The following CNTNAP5 variants were observed in gnomAD, a reference collection of about 807,000 sequenced individuals.
The protein encoded by CNTNAP5 is contactin-associated protein-like 5.
Under a neutral mutation model 150.2 loss-of-function variants are expected in CNTNAP5, and 72 were observed. The observed-to-expected ratio is 0.48, with a 90% confidence interval of 0.40 to 0.58. CNTNAP5 has a LOEUF of 0.58. Among genes scored for constraint, CNTNAP5 ranks in the 20% least tolerant of loss-of-function variants. The pLI, the probability that CNTNAP5 is intolerant of heterozygous loss-of-function variation, is 0.00. For missense variants in CNTNAP5, 1,636 were observed against 1,626.2 expected (o/e 1.01, Z -0.10); for synonymous variants, 672 against 619.8 (o/e 1.08, Z -1.25).
At chr2:124,633,877 C>A (rs963511632) in intron 12 of CNTNAP5, among the ~76,000 whole-genome samples, 4 of 152,204 alleles carry the variant, frequency 2.6e-5, no homozygotes, top group Non-Finnish European at 5.9e-5. Flanking sequence ...TTTGAAGCAG[C>A]AGCTCAAGCT....
rs557479079 is a variant in CNTNAP5 at position 124,696,144 on chromosome 2, A to C, written c.2077+48186A>C. Among the ~76,000 whole-genome samples the C allele has an allele frequency of 1.4e-4, 21 of 152,294 alleles. 1 individual carries two copies. Among genetic ancestry groups the C allele is most frequent in the African/African-American group, 4.8e-4 (20 of 41,584 alleles). On this transcript the variant is annotated intron_variant, in intron 13 of 23. Coordinates refer to ENST00000682447, the MANE Select transcript of CNTNAP5 (RefSeq NM_001367498.1). ...GTCATGATGCTGCTGGAGGTTGTTC[A>C]GAGGATCCAGACAATGATGGCTGGA... is the stretch of plus-strand genomic sequence containing the variant.
rs1021817237 is a variant in CNTNAP5 at position 124,889,302 on chromosome 2, G to A, written c.3437-13580G>A. On this transcript the variant is annotated intron_variant, in intron 21 of 23. Coordinates refer to ENST00000682447, the MANE Select transcript of CNTNAP5 (RefSeq NM_001367498.1). Reference sequence around the variant, plus strand: ...TGTAGTAGAGACGGGGTTTCACCATGTTGGTCTCCAACTCCTGACCTCAAG... The same window carrying A: ...TGTAGTAGAGACGGGGTTTCACCATATTGGTCTCCAACTCCTGACCTCAAG... Among the ~76,000 whole-genome samples, 15 of 151,936 alleles carry A rather than the reference G, an allele frequency of 9.9e-5. No individual in the cohort carries two copies. The South Asian group carries it at 1.0e-3, about 11-fold the overall frequency.
intron 12 of CNTNAP5, among the ~76,000 whole-genome samples, chr2:124,626,388 TG>T (rs757583744): frequency 3.6e-4 from 55 of 152,190 alleles, no homozygotes; most frequent in Middle Eastern, 3.4e-3. Context: ...TTCATCTAAT[TG>T]GGACTGACTA....
chr2:124,885,235 G>A (rs1223831760), intron 21 of CNTNAP5, among the ~76,000 whole-genome samples: 2 of 151,826 alleles, frequency 1.3e-5, no homozygotes, highest in African/African-American at 2.4e-5. Context: ...ATAAGGTCTT[G>A]CAATTGATTG....
At chr2:124,763,912 G>T in intron 15 of CNTNAP5, 65 bp from the exon 16 acceptor site, 1 of 1,593,190 alleles carries the variant, frequency 6.3e-7, no homozygotes, top group South Asian at 1.1e-5. Flanking sequence ...TTATCCACAT[G>T]TCCAGTGCTT....
intron 21 of CNTNAP5, among the ~76,000 whole-genome samples, chr2:124,884,702 G>A (rs931755619): frequency 6.6e-6 from 1 of 152,002 alleles, no homozygotes; most frequent in Non-Finnish European, 1.5e-5. Context: ...GTGCAGACAA[G>A]AGCTGGTGGA....
chr2:124,097,819 G>C (rs1682972796), intron 1 of CNTNAP5, among the ~76,000 whole-genome samples: 1 of 152,186 alleles, frequency 6.6e-6, no homozygotes, highest in Admixed American at 6.5e-5. Flanking sequence ...ACGAGGTCAG[G>C]AGATCGAGAC....
At chr2:124,496,045 C>T (rs925036095) in intron 7 of CNTNAP5, among the ~76,000 whole-genome samples, 6 of 152,128 alleles carry the variant, frequency 3.9e-5, no homozygotes, top group South Asian at 2.1e-4. Flanking sequence ...TCTAGGTGGG[C>T]GGGTCTGAGT....
At chr2:124,246,063 A>G (rs543332728) in intron 3 of CNTNAP5, among the ~76,000 whole-genome samples, 1 of 152,112 alleles carries the variant, frequency 6.6e-6, no homozygotes, top group African/African-American at 2.4e-5. Context: ...TTGAATGCTT[A>G]TGTTCACCTG....
chr2:124,794,828 T>G (rs1372935760), intron 18 of CNTNAP5, among the ~76,000 whole-genome samples: 1 of 152,178 alleles, frequency 6.6e-6, no homozygotes, highest in Non-Finnish European at 1.5e-5. Flanking sequence ...TAATACTATT[T>G]CATCTACAAA....
intron 1 of CNTNAP5, among the ~76,000 whole-genome samples, chr2:124,221,211 G>A (rs1340242688): frequency 6.6e-6 from 1 of 152,064 alleles, no homozygotes; most frequent in Non-Finnish European, 1.5e-5. Flanking sequence ...CACACAACTG[G>A]GAATAAGATA....
At chr2:124,758,146 A>T (rs1317664640) in intron 14 of CNTNAP5, among the ~76,000 whole-genome samples, 1 of 152,170 alleles carries the variant, frequency 6.6e-6, no homozygotes, top group Non-Finnish European at 1.5e-5. Context: ...CGGCAGCATG[A>T]GGATAAAGCA....
At chr2:124,701,526 T>C (rs374819605) in intron 13 of CNTNAP5, among the ~76,000 whole-genome samples, 172 of 152,310 alleles carry the variant, frequency 1.1e-3, no homozygotes, top group African/African-American at 4.0e-3. Flanking sequence ...ATTCCATTTC[T>C]TTTGGGGGTA....
chr2:124,325,361 A>G (rs1273868717), intron 3 of CNTNAP5, among the ~76,000 whole-genome samples: 2 of 152,312 alleles, frequency 1.3e-5, no homozygotes, highest in Non-Finnish European at 1.5e-5. Context: ...ATAAACTTGA[A>G]CAGACTAAGA....
chr2:124,046,488 C>T (rs1343971976), intron 1 of CNTNAP5, among the ~76,000 whole-genome samples: 1 of 150,174 alleles, frequency 6.7e-6, no homozygotes, highest in Non-Finnish European at 1.5e-5. Context: ...TTGCAAGGCT[C>T]TGAATAGCCA....
At chr2:124,573,959 G>C (rs1696220687) in intron 11 of CNTNAP5, among the ~76,000 whole-genome samples, 1 of 152,172 alleles carries the variant, frequency 6.6e-6, no homozygotes, top group Non-Finnish European at 1.5e-5. Flanking sequence ...AGGTTAAATG[G>C]TATCTATTAC....
intron 3 of CNTNAP5, among the ~76,000 whole-genome samples, chr2:124,269,728 C>A (rs1687695442): frequency 6.6e-6 from 1 of 152,122 alleles, no homozygotes; most frequent in Non-Finnish European, 1.5e-5. Context: ...GATCTCCATC[C>A]ATTCAAGTCA....
At chr2:124,561,577 A>G (rs74634550) in intron 10 of CNTNAP5, among the ~76,000 whole-genome samples, 2,481 of 152,288 alleles carry the variant, frequency 0.016, 67 homozygotes, top group African/African-American at 0.056. Flanking sequence ...ACATCCCGTA[A>G]CAAAACTATG....
chr2:124,257,576 C>G (rs542234942), intron 3 of CNTNAP5, among the ~76,000 whole-genome samples: 22 of 152,312 alleles, frequency 1.4e-4, no homozygotes, highest in African/African-American at 5.3e-4. Flanking sequence ...TAGTTCAGCT[C>G]TAATCCCAGG....
Sources: gnomAD v4.1 joint callset for allele counts (sites outside exome capture counted in the v4.1 genomes callset) on GRCh38, gnomAD v4.1.1 for gene constraint, MANE v1.5 for transcripts, NCBI Gene and HGNC (gene_info 2026-07-23, HGNC 2026-07-21) for gene names.